The following DSG2 variants were observed in gnomAD, a reference collection of about 807,000 sequenced individuals.
DSG2 encodes desmoglein-2.
A neutral mutation model predicts 75.6 loss-of-function variants in DSG2; 45 were observed. The ratio of observed to expected loss-of-function variants is 0.60; its 90% CI spans 0.47 to 0.76. The LOEUF is 0.76. Ranked by LOEUF, DSG2 falls within the 30% of genes least tolerant of loss-of-function variation. DSG2 has a pLI of 0.00. For missense variants in DSG2, 1,267 were observed against 1,357.4 expected (o/e 0.93, Z 1.05); for synonymous variants, 429 against 483.9 (o/e 0.89, Z 1.49).
intron 6 of DSG2, 120 bp downstream of exon 6, chr18:31,522,369 G>T: frequency 9.9e-7 from 1 of 1,012,048 alleles, no homozygotes; most frequent in Admixed American, 2.0e-5. Flanking sequence ...GATAACTCTT[G>T]GAATTACTCT....
chr18:31,519,948 AAG>A lies in DSG2; in HGVS notation c.216+14_216+15del, dbSNP rs876657458. Reference sequence around the variant, plus strand: ...AATCCAATTGCCAAGGTACCTCCTAAAGAGGAACATGAAATACATGCATATGA... The same window carrying A: ...AATCCAATTGCCAAGGTACCTCCTAAAGGAACATGAAATACATGCATATGA... On this transcript the variant is annotated intron_variant, in intron 3 of 14. Coordinates refer to ENST00000261590, the MANE Select transcript of DSG2 (RefSeq NM_001943.5). 2.5e-6 allele frequency: 4 copies of A among 1,614,186 alleles called. No homozygotes were observed. The highest frequency in any genetic ancestry group is 3.4e-6 in the Non-Finnish European group (4 of 1,180,022).
rs768590596 is a variant in DSG2, at chr18:31,536,207, C to G, written c.1429C>G (p.Pro477Ala). The change falls in exon 11 of 15, where the codon CCT (proline) becomes GCT (alanine). Residue 477 changes from proline to alanine, a missense_variant. Pro to Ala is a conservative substitution (Grantham distance 27, BLOSUM62 -1). Transcript: ENST00000261590. Reference sequence around the variant, plus strand: ...TTTTCTCTCTTATTTTTAAGATTATCCTAGAAAAACCATCACTGGCACAGT... The same window carrying G: ...TTTTCTCTCTTATTTTTAAGATTATGCTAGAAAAACCATCACTGGCACAGT... ...VKIVAISEDY[P>A]RKTITGTVLI... The G allele has an allele frequency of 6.2e-6, 10 of 1,613,844 alleles. No homozygotes were observed. The highest frequency in any genetic ancestry group is 6.8e-6 in the Non-Finnish European group (8 of 1,179,816).
chr18:31,526,830 GCA>G (rs2073165862), intron 8 of DSG2, among the ~76,000 whole-genome samples: 1 of 152,210 alleles, frequency 6.6e-6, no homozygotes. Context: ...TTGTGTAGCT[GCA>G]CAGTGTGTTT....
At chr18:31,502,328 A>G (rs898797441) in intron 1 of DSG2, among the ~76,000 whole-genome samples, 2 of 152,178 alleles carry the variant, frequency 1.3e-5, no homozygotes, top group African/African-American at 4.8e-5. Flanking sequence ...GACAAGTGTA[A>G]GCGTGAGAAT....
rs750711733 is a variant in DSG2 at position 31,538,746 on chromosome 18, T to C, written c.1652-5T>C. 5 of 1,613,610 alleles carry C rather than the reference T, an allele frequency of 3.1e-6. No individual in the cohort carries two copies. In the Admixed American group the frequency reaches 5.0e-5, roughly 16 times the overall value. On this transcript the variant is annotated splice_region_variant and splice_polypyrimidine_tract_variant and intron_variant, in intron 11 of 14. Coordinates refer to ENST00000261590, the MANE Select transcript of DSG2 (RefSeq NM_001943.5). The stretch of plus-strand genomic sequence containing the variant: ...TTTATTTCCTTCTGCCTCCCAACCT[T>C]GTAGGTACCAGTGTGCTGCTGCAAC...
At chr18:31,510,496 A>G (rs889466206) in intron 1 of DSG2, among the ~76,000 whole-genome samples, 1 of 152,126 alleles carries the variant, frequency 6.6e-6, no homozygotes, top group African/African-American at 2.4e-5. Flanking sequence ...CATCAAGGTG[A>G]CTTCAGAACA....
At chr18:31,522,967 A>T (rs953904223) in intron 6 of DSG2, among the ~76,000 whole-genome samples, 4 of 152,256 alleles carry the variant, frequency 2.6e-5, no homozygotes, top group Non-Finnish European at 4.4e-5. Context: ...TTAAATAAAA[A>T]GGGGAGATAG....
At chr18:31,541,093 C>T in intron 12 of DSG2, 100 bp from the exon 13 acceptor site, 2 of 1,454,446 alleles carry the variant, frequency 1.4e-6, no homozygotes, top group South Asian at 1.2e-5. Context: ...TAAGTGAAGA[C>T]AAGTCCAGGA....
At chr18:31,505,137 A>G (rs947167324) in intron 1 of DSG2, among the ~76,000 whole-genome samples, 5 of 152,182 alleles carry the variant, frequency 3.3e-5, no homozygotes, top group Admixed American at 3.3e-4. Context: ...CCTCAGCTCA[A>G]CGCTTTGTCC....
chr18:31,531,180 G>C lies in DSG2; in HGVS notation c.1208G>C (p.Arg403Thr), dbSNP rs1270799168. Residue 403 changes from arginine (R) to threonine (T), a missense_variant, in exon 9 of 15, where the codon AGA (arginine) becomes ACA (threonine). Arg to Thr is a moderately conservative substitution (Grantham distance 71). Coordinates refer to ENST00000261590, the MANE Select transcript of DSG2 (RefSeq NM_001943.5). ...ATTTATGTTAGCGAGAGCATGGATA[G>C]ATCAAGCAAAGGCCAAATAATTGGA... The part of the protein sequence containing the change: ...ISIYVSESMD[R>T]SSKGQIIGNF... The C allele has an allele frequency of 6.2e-7, 1 of 1,614,070 alleles. No homozygotes were observed. The highest frequency in any genetic ancestry group is 1.7e-5 in the Admixed American group (1 of 60,000).
At chr18:31,542,170 G>A (rs1006328174) in intron 13 of DSG2, 1 of 342,938 alleles carries the variant, frequency 2.9e-6, no homozygotes, top group African/African-American at 2.1e-5. Flanking sequence ...TTTATTTTGG[G>A]TGGCCATGGA....
chr18:31,532,275 G>A (rs529375659), intron 9 of DSG2, among the ~76,000 whole-genome samples: 28 of 152,190 alleles, frequency 1.8e-4, no homozygotes, highest in African/African-American at 6.7e-4. Context: ...ATCCTCACGT[G>A]GCCAAAGGAA....
At chr18:31,505,095 G>A (rs1036102642) in intron 1 of DSG2, among the ~76,000 whole-genome samples, 1 of 152,152 alleles carries the variant, frequency 6.6e-6, no homozygotes, top group East Asian at 1.9e-4. Context: ...AGCTGGCAAC[G>A]ACTCTCCACT....
At position 31,547,113 on chromosome 18, in the gene DSG2, G is replaced by T. The variant is rs768738370; in HGVS notation, c.*370G>T. On this transcript the variant is annotated 3_prime_UTR_variant, in exon 15 of 15. Transcript: ENST00000261590. ...GTAAAGCAACCCAGGAAACTGACTG[G>T]GTCTCTTTGCCTACCGTATTAACAT... The T allele has an allele frequency of 5.5e-6, 2 of 364,958 alleles. No homozygotes were observed. The highest frequency in any genetic ancestry group is 1.0e-5 in the Non-Finnish European group (2 of 190,532). 22.6% of individuals were successfully genotyped at this position (364,958 alleles called of 1,614,324 possible). A position where few individuals can be genotyped will look rare whatever the true frequency, so the allele number is the denominator to read the frequency against.
At position 31,541,207 on chromosome 18, in the gene DSG2, C is replaced by A. The variant is rs187508748; in HGVS notation, c.1894C>A (p.Leu632Met). 1 of 1,614,186 alleles carries A rather than the reference C, an allele frequency of 6.2e-7. No homozygotes were observed. The highest frequency in any genetic ancestry group is 2.2e-5 in the East Asian group (1 of 44,884). Residue 632 changes from leucine to methionine, a missense_variant, in exon 13 of 15, where the codon CTG (leucine) becomes ATG (methionine). By Grantham distance (15) the Leu-to-Met change is conservative. Coordinates refer to ENST00000261590, the MANE Select transcript of DSG2 (RefSeq NM_001943.5). Reference sequence around the variant, plus strand: ...TGTCTGTACAGTGGTACCACTTTTACTGCTGATGTGCCATTGCGGAAAGGG... The same window carrying A: ...TGTCTGTACAGTGGTACCACTTTTAATGCTGATGTGCCATTGCGGAAAGGG... The part of the protein sequence containing the change: ...FLLLLLVPLL[L>M]LMCHCGKGAK...
chr18:31,542,584 G>T lies in DSG2; in HGVS notation c.2066G>T (p.Gly689Val), dbSNP rs749709534. The T allele has an allele frequency of 6.2e-7, 1 of 1,614,110 alleles. No homozygotes were observed. The highest frequency in any genetic ancestry group is 8.5e-7 in the Non-Finnish European group (1 of 1,180,008). Residue 689 changes from glycine (G) to valine (V), a missense_variant, in exon 14 of 15, where the codon GGT (glycine) becomes GTT (valine). Coordinates refer to ENST00000261590, the MANE Select transcript of DSG2 (RefSeq NM_001943.5). ...GSLVGRNGVG[G>V]MAKEATMKGS... ...CTAGTAGGAAGAAATGGAGTAGGAGGTATGGCCAAGGAAGCCACGATGAAA... is the reference window on the plus strand; with the variant it reads ...CTAGTAGGAAGAAATGGAGTAGGAGTTATGGCCAAGGAAGCCACGATGAAA...
intron 2 of DSG2, among the ~76,000 whole-genome samples, chr18:31,518,590 G>A (rs2073108005): frequency 6.6e-6 from 1 of 152,110 alleles, no homozygotes; most frequent in South Asian, 2.1e-4. Flanking sequence ...AGACCTTTAT[G>A]CATCTGTGTA....
intron 1 of DSG2, among the ~76,000 whole-genome samples, chr18:31,517,521 A>G (rs149722049): frequency 1.3e-5 from 2 of 152,244 alleles, no homozygotes; most frequent in African/African-American, 2.4e-5. Flanking sequence ...TACAAATTAT[A>G]TGAATGTATT....
chr18:31,536,582 A>G (rs2073232400), intron 11 of DSG2, among the ~76,000 whole-genome samples, 153 bp downstream of exon 11: 1 of 152,256 alleles, frequency 6.6e-6, no homozygotes, highest in South Asian at 2.1e-4. Context: ...GACATATAGT[A>G]TCTTTTATAT....
Sources: allele counts gnomAD v4.1 joint callset (sites outside exome capture counted in the v4.1 genomes callset), GRCh38; gene constraint gnomAD v4.1.1; transcripts MANE v1.5; gene names NCBI Gene and HGNC (gene_info 2026-07-23, HGNC 2026-07-21).